Variants in TSHZ3 observed in about 807,000 individuals in gnomAD.
The protein encoded by TSHZ3 is teashirt zinc finger homeobox 3, also known as teashirt homolog 3.
A neutral mutation model predicts 64.5 loss-of-function variants in TSHZ3; 10 were observed. That is an observed-to-expected ratio of 0.16 (90% CI 0.10 to 0.26). TSHZ3 has a LOEUF of 0.26. Ranked by LOEUF, TSHZ3 falls within the 10% of genes least tolerant of loss-of-function variation. TSHZ3 has a pLI of 1.00. For synonymous variants in TSHZ3, 608 were observed against 593.1 expected (o/e 1.03, Z -0.36); for missense variants, 1,242 against 1,421.7 (o/e 0.87, Z 2.03).
chr19:31,331,308 G>A (rs1331462249), intron 1 of TSHZ3, among the ~76,000 whole-genome samples: 1 of 152,146 alleles, frequency 6.6e-6, no homozygotes, highest in Non-Finnish European at 1.5e-5. Context: ...GCGCAGTGAT[G>A]AGTTAAAGGG....
intron 5 of TSHZ3, among the ~76,000 whole-genome samples, chr19:31,156,817 G>T (rs530375675): frequency 6.6e-6 from 1 of 152,116 alleles, no homozygotes; most frequent in Non-Finnish European, 1.5e-5. Context: ...ACAGGCAGCC[G>T]ATCCTGGTCC....
chr19:31,325,307 T>C (rs1300885242), intron 1 of TSHZ3, among the ~76,000 whole-genome samples: 1 of 152,176 alleles, frequency 6.6e-6, no homozygotes, highest in Non-Finnish European at 1.5e-5. Flanking sequence ...TTCCCGTCCA[T>C]CCAATGAGGC....
intron 1 of TSHZ3, among the ~76,000 whole-genome samples, chr19:31,251,624 T>A (rs2145191913): frequency 6.6e-6 from 1 of 152,316 alleles, no homozygotes; most frequent in East Asian, 1.9e-4. Flanking sequence ...CTCCCAACCC[T>A]GCCGTGATAT....
downstream of TSHZ3, among the ~76,000 whole-genome samples, chr19:31,274,136 T>TG (rs1300289870): frequency 2.8e-5 from 4 of 143,172 alleles, no homozygotes; most frequent in African/African-American, 1.1e-4. Flanking sequence ...AAAATATGTG[T>TG]TTTTTTTTTT....
chr19:31,183,216 CTCTCTCTCTCTT>C (rs1482163048), intron 5 of TSHZ3, among the ~76,000 whole-genome samples: 5,650 of 112,392 alleles, frequency 0.05, 186 homozygotes, highest in South Asian at 0.11. Context: ...CTCTCTCTCT[CTCTCTCTCTCTT>C]TCTCTCTCTC....
intron 1 of TSHZ3, among the ~76,000 whole-genome samples, chr19:31,296,280 T>C (rs1475159825): frequency 6.6e-6 from 1 of 150,638 alleles, no homozygotes. Context: ...CTGCACCGTC[T>C]GGAATGTTCA....
upstream of TSHZ3, among the ~76,000 whole-genome samples, chr19:31,350,851 C>G (rs546746643): frequency 6.8e-6 from 1 of 147,516 alleles, no homozygotes; most frequent in East Asian, 2.0e-4. Context: ...GATTGCGTCT[C>G]CCTGGGCCAG....
chr19:31,304,132 G>A (rs562980605), intron 1 of TSHZ3, among the ~76,000 whole-genome samples: 9 of 152,176 alleles, frequency 5.9e-5, no homozygotes, highest in Admixed American at 1.3e-4. Flanking sequence ...GCACCACCAC[G>A]CCCAGCTAAT....
chr19:31,212,752 T>G (rs991108502), intron 4 of TSHZ3, among the ~76,000 whole-genome samples: 16 of 152,152 alleles, frequency 1.1e-4, no homozygotes, highest in African/African-American at 1.4e-4. Context: ...CACTCCTTGA[T>G]GTTTACCCAA....
At chr19:31,250,131 T>C (rs2145190809) in intron 1 of TSHZ3, among the ~76,000 whole-genome samples, 1 of 152,312 alleles carries the variant, frequency 6.6e-6, no homozygotes, top group Admixed American at 6.5e-5. Flanking sequence ...TCTGACATCT[T>C]AAAAGCACTG....
chr19:31,173,617 T>G (rs1401004949), intron 5 of TSHZ3, among the ~76,000 whole-genome samples: 1 of 152,212 alleles, frequency 6.6e-6, no homozygotes, highest in Non-Finnish European at 1.5e-5. Context: ...TTGCACATGC[T>G]ATGGTTTGCA....
At chr19:31,331,494 C>G (rs1346250280) in intron 1 of TSHZ3, among the ~76,000 whole-genome samples, 1 of 152,166 alleles carries the variant, frequency 6.6e-6, no homozygotes, top group Non-Finnish European at 1.5e-5. Context: ...CTACTGGTAC[C>G]AGCAGATGTG....
At chr19:31,242,751 C>T (rs113285400) in intron 2 of TSHZ3, among the ~76,000 whole-genome samples, 45 of 84,570 alleles carry the variant, frequency 5.3e-4, no homozygotes, top group Admixed American at 1.4e-3. Flanking sequence ...ATGGGCGTCT[C>T]AGTTCTAACA....
Position 31,326,546 on chromosome 19 carries a change from C to T in TSHZ3, c.40+22634G>A, listed in dbSNP as rs545269607. Among the ~76,000 whole-genome samples the T allele has an allele frequency of 7.9e-5, 12 of 152,338 alleles. 1 individual carries two copies. The South Asian group carries it at 2.5e-3, about 32-fold the overall frequency. ...TGTGTGCATGAGCACGCGTACACAC[C>T]CACACCCAGATGCTCGGAGCCTGCA... On this transcript the variant is annotated intron_variant, in intron 1 of 1. Transcript: ENST00000240587.
Position 31,279,235 on chromosome 19 carries a change from C to T in TSHZ3, c.558G>A (p.Pro186=), listed in dbSNP as rs139408497. The T allele has an allele frequency of 1.1e-4, 180 of 1,614,158 alleles. No homozygotes were observed. The East Asian group carries it at 2.2e-3, about 20-fold the overall frequency. The change falls in exon 2 of 2, where the codon CCG becomes CCA. Residue 186 remains proline (P), a synonymous_variant. Transcript: ENST00000240587. This position sits in a 1 kb window ranked among gnomAD's most constrained non-coding sequence, Gnocchi z 6.4. The part of the protein sequence containing the change: ...LQQVSQSRML[P]EPSLFSTVQL... Reference sequence around the variant, plus strand: ...GCACGGTGCTGAAGAGGCTGGGCTCCGGGAGCATGCGGCTCTGTGACACCT... The same window carrying T: ...GCACGGTGCTGAAGAGGCTGGGCTCTGGGAGCATGCGGCTCTGTGACACCT...
chr19:31,289,565 G>T (rs1314439222), intron 1 of TSHZ3, among the ~76,000 whole-genome samples: 1 of 152,174 alleles, frequency 6.6e-6, no homozygotes, highest in African/African-American at 2.4e-5. Flanking sequence ...ATTCTAGGAA[G>T]GTAGCGGGCA....
chr19:31,216,574 G>A lies in TSHZ3; in HGVS notation n.686+11431C>T, dbSNP rs572434551. 5.9e-4 allele frequency among the ~76,000 whole-genome samples: 89 copies of A among 151,194 alleles called. 1 individual carries two copies. The highest frequency in any genetic ancestry group is 3.4e-3 in the East Asian group (17 of 5,070). Reference sequence around the variant, plus strand: ...AGCAGTTCTCCTGCCTCAGCCTCCCGGGTAGCTGGGACTACAGGTATGTGC... The same window carrying A: ...AGCAGTTCTCCTGCCTCAGCCTCCCAGGTAGCTGGGACTACAGGTATGTGC... On this transcript the variant is annotated intron_variant and non_coding_transcript_variant, in intron 4 of 6. Coordinates refer to the TSHZ3 transcript ENST00000651361.
intron 1 of TSHZ3, among the ~76,000 whole-genome samples, chr19:31,341,500 C>A (rs1340383711): frequency 1.3e-5 from 2 of 152,082 alleles, no homozygotes; most frequent in Non-Finnish European, 2.9e-5. Flanking sequence ...TAGCCCCCAC[C>A]CCCATGAAAG....
chr19:31,318,371 T>C (rs950663181), intron 1 of TSHZ3, among the ~76,000 whole-genome samples: 3 of 152,178 alleles, frequency 2.0e-5, no homozygotes, highest in African/African-American at 7.2e-5. Flanking sequence ...TCATTCTCGG[T>C]TTCTTTTCAT....
Sources: gnomAD v4.1 joint callset for allele counts (sites outside exome capture counted in the v4.1 genomes callset) on GRCh38, gnomAD v4.1.1 for gene constraint, Gnocchi (gnomAD v3.1) non-coding constraint, MANE v1.5 for transcripts, NCBI Gene and HGNC (gene_info 2026-07-23, HGNC 2026-07-21) for gene names.